The following GRM8 variants were observed in gnomAD, a reference collection of about 807,000 sequenced individuals.
The protein encoded by GRM8 is glutamate metabotropic receptor 8, also known as metabotropic glutamate receptor 8.
A neutral mutation model predicts 87.2 loss-of-function variants in GRM8; 47 were observed. The observed-to-expected ratio is 0.54, with a 90% CI of 0.43 to 0.69. The LOEUF (loss-of-function observed/expected upper bound fraction) is 0.69. Ranked by LOEUF, GRM8 falls within the 30% of genes least tolerant of loss-of-function variation. GRM8 has a pLI of 0.00. For missense variants in GRM8, 1,019 were observed against 1,139.2 expected, an observed-to-expected ratio of 0.89 and a Z score of 1.52; for synonymous variants, 396 against 404.5, an observed-to-expected ratio of 0.98 and a Z score of 0.25.
chr7:126,994,184 G>T (rs1812950683), intron 3 of GRM8, among the ~76,000 whole-genome samples: 1 of 152,034 alleles, frequency 6.6e-6, no homozygotes, highest in Admixed American at 6.5e-5. Flanking sequence ...AGAGTAGTGA[G>T]GCCTGCATCC....
intron 7 of GRM8, among the ~76,000 whole-genome samples, chr7:126,630,245 T>C (rs1801129756): frequency 6.6e-6 from 1 of 152,044 alleles, no homozygotes; most frequent in Non-Finnish European, 1.5e-5. Context: ...ATTTAACAGA[T>C]AACAATATAT....
At chr7:126,619,586 A>G (rs768668826) in intron 7 of GRM8, among the ~76,000 whole-genome samples, 1 of 152,204 alleles carries the variant, frequency 6.6e-6, no homozygotes, top group Admixed American at 6.5e-5. Flanking sequence ...TGATTAAGCA[A>G]TATTCACACA....
intron 3 of GRM8, among the ~76,000 whole-genome samples, chr7:126,934,014 C>T (rs1246734250): frequency 6.6e-6 from 1 of 152,092 alleles, no homozygotes; most frequent in Non-Finnish European, 1.5e-5. Context: ...AGGGGTAAGA[C>T]ATTGTTCCTT....
At chr7:126,926,080 T>A (rs1200960325) in intron 3 of GRM8, among the ~76,000 whole-genome samples, 1 of 152,136 alleles carries the variant, frequency 6.6e-6, no homozygotes, top group Non-Finnish European at 1.5e-5. Flanking sequence ...TTGCCAATAT[T>A]GAATACTGTA....
chr7:126,955,592 A>G (rs1808594611), intron 3 of GRM8, among the ~76,000 whole-genome samples: 1 of 152,186 alleles, frequency 6.6e-6, no homozygotes, highest in East Asian at 1.9e-4. Context: ...ATTTATAGGT[A>G]TTTGAGGGTG....
rs1326120402 is a variant in GRM8 at position 127,252,357 on chromosome 7, T to A, written c.-312+440A>T. 6.6e-6 allele frequency: 1 copy of A among 152,180 alleles called. No individual in the cohort carries two copies. Among genetic ancestry groups the A allele is most frequent in the Non-Finnish European group, 1.5e-5 (1 of 68,054 alleles). 9.4% of individuals were successfully genotyped at this position (152,180 alleles called of 1,614,324 possible). A position where few individuals can be genotyped will look rare whatever the true frequency, so the allele number is the denominator to read the frequency against. On this transcript the variant is annotated intron_variant, in intron 1 of 10. Transcript: ENST00000339582. This position sits in a 1 kb window ranked among gnomAD's most constrained non-coding sequence, Gnocchi z 4.9. ...GGAGTTCCGGGTAAAGTCTCCCTCTTTTCTGAACCTCTTTACTGTAATGTA... is the reference window on the plus strand; with the variant it reads ...GGAGTTCCGGGTAAAGTCTCCCTCTATTCTGAACCTCTTTACTGTAATGTA...
At position 126,946,155 on chromosome 7, in the gene GRM8, T is replaced by C. The variant is rs10241561; in HGVS notation, c.728-41472A>G. Among the ~76,000 whole-genome samples, 224 of 152,346 alleles carry C rather than the reference T, an allele frequency of 1.5e-3. 2 individuals carry two copies. Among genetic ancestry groups the C allele is most frequent in the African/African-American group, 5.1e-3 (211 of 41,584 alleles). On this transcript the variant is annotated intron_variant, in intron 3 of 10. Transcript: ENST00000339582. The stretch of plus-strand genomic sequence containing the variant: ...TACAAGGTTAGGTCTCAAGAGACTG[T>C]CATGGTTTTCCTTGATCTCCCTCTT...
chr7:126,577,235 A>G (rs200179926), intron 8 of GRM8, among the ~76,000 whole-genome samples: 1 of 152,218 alleles, frequency 6.6e-6, no homozygotes, highest in East Asian at 1.9e-4. Context: ...CCTGAATGGT[A>G]TCTCGTTTCT....
chr7:127,006,046 C>T (rs1424171377), intron 3 of GRM8, among the ~76,000 whole-genome samples: 2 of 151,810 alleles, frequency 1.3e-5, no homozygotes, highest in African/African-American at 2.4e-5. Flanking sequence ...CTTCCACCGT[C>T]CTTCACTCTC....
intron 9 of GRM8, among the ~76,000 whole-genome samples, chr7:126,491,100 T>G (rs1807955182): frequency 6.6e-6 from 1 of 152,090 alleles, no homozygotes; most frequent in Non-Finnish European, 1.5e-5. Context: ...GTTGAATCTA[T>G]AATTACCCTA....
At chr7:127,124,271 T>C (rs1004010272) in intron 2 of GRM8, among the ~76,000 whole-genome samples, 20 of 152,174 alleles carry the variant, frequency 1.3e-4, no homozygotes, top group African/African-American at 3.9e-4. Flanking sequence ...GTCCCAGGGC[T>C]GTATTCAAAC....
chr7:126,879,212 A>G (rs1214899673), intron 6 of GRM8, among the ~76,000 whole-genome samples: 1 of 151,776 alleles, frequency 6.6e-6, no homozygotes, highest in Non-Finnish European at 1.5e-5. Context: ...AAAAAAAAAC[A>G]TGATGAGGCT....
intron 8 of GRM8, among the ~76,000 whole-genome samples, chr7:126,553,574 T>C (rs1263647255): frequency 6.6e-6 from 1 of 152,180 alleles, no homozygotes; most frequent in Non-Finnish European, 1.5e-5. Context: ...GGGTGGATTA[T>C]AACCTGTCTC....
intron 2 of GRM8, among the ~76,000 whole-genome samples, chr7:127,190,854 TA>T (rs546832255): frequency 4.6e-5 from 7 of 152,072 alleles, no homozygotes; most frequent in South Asian, 2.1e-4. Flanking sequence ...TAGCTTGAGG[TA>T]AAAAAAATCA....
At chr7:126,562,498 A>C (rs1444144303) in intron 8 of GRM8, among the ~76,000 whole-genome samples, 2 of 152,228 alleles carry the variant, frequency 1.3e-5, no homozygotes, top group African/African-American at 4.8e-5. Context: ...TTTATTGTTG[A>C]AGAAATGCTC....
chr7:127,207,317 A>C (rs10267465), intron 2 of GRM8, among the ~76,000 whole-genome samples: 33,652 of 152,180 alleles, frequency 0.22, 4,091 homozygotes, highest in Middle Eastern at 0.28. Context: ...GTGTCTCGGT[A>C]ATTCATCAAA....
chr7:127,063,368 G>T (rs1820807263), intron 3 of GRM8, among the ~76,000 whole-genome samples: 1 of 152,058 alleles, frequency 6.6e-6, no homozygotes, highest in Admixed American at 6.5e-5. Context: ...TTGAGGTCAG[G>T]AGTTTGAGAG....
At chr7:126,621,013 G>T (rs975794035) in intron 7 of GRM8, among the ~76,000 whole-genome samples, 6 of 152,108 alleles carry the variant, frequency 3.9e-5, no homozygotes, top group African/African-American at 1.4e-4. Context: ...AGCTAGAAAT[G>T]AAATGGGTTA....
chr7:126,467,692 TA>T (rs1804667964), intron 9 of GRM8, among the ~76,000 whole-genome samples: 2 of 152,150 alleles, frequency 1.3e-5, no homozygotes, highest in South Asian at 4.1e-4. Context: ...TATGTGTGCT[TA>T]AAACAAAATA....
Sources: gnomAD v4.1 joint callset for allele counts (sites outside exome capture counted in the v4.1 genomes callset) on GRCh38, gnomAD v4.1.1 for gene constraint, Gnocchi (gnomAD v3.1) non-coding constraint, MANE v1.5 for transcripts, NCBI Gene and HGNC (gene_info 2026-07-23, HGNC 2026-07-21) for gene names.